Variants in SORCS1 observed in about 807,000 individuals in gnomAD.
SORCS1 encodes sortilin related VPS10 domain containing receptor 1, also known as VPS10 domain-containing receptor SorCS1.
Under a neutral mutation model 146.1 loss-of-function variants are expected in SORCS1, and 60 were observed. The observed-to-expected ratio is 0.41, with a 90% confidence interval of 0.33 to 0.51. The LOEUF (loss-of-function observed/expected upper bound fraction) is 0.51, where lower values mean the gene tolerates loss of function less well. Ranked by LOEUF, SORCS1 falls within the 20% of genes least tolerant of loss-of-function variation. The pLI is 0.21. For synonymous variants in SORCS1, 637 were observed against 584.0 expected (o/e 1.09, Z -1.31); for missense variants, 1,352 against 1,487.6 (o/e 0.91, Z 1.50).
chr10:106,916,306 AT>A (rs1406223415), intron 2 of SORCS1, among the ~76,000 whole-genome samples: 1 of 152,108 alleles, frequency 6.6e-6, no homozygotes, highest in Non-Finnish European at 1.5e-5. Flanking sequence ...CAAACTATTT[AT>A]TTAATGAATG....
At chr10:106,955,011 G>A (rs920723312) in intron 2 of SORCS1, among the ~76,000 whole-genome samples, 4 of 152,258 alleles carry the variant, frequency 2.6e-5, no homozygotes, top group South Asian at 2.1e-4. Flanking sequence ...CCCACACAAC[G>A]GGAAGTAGCA....
chr10:107,162,032 A>G (rs998889330), intron 1 of SORCS1, among the ~76,000 whole-genome samples: 1 of 152,320 alleles, frequency 6.6e-6, no homozygotes, highest in Non-Finnish European at 1.5e-5. Context: ...TGCATGTTCA[A>G]TGCCCTGAAC....
intron 1 of SORCS1, among the ~76,000 whole-genome samples, chr10:107,009,679 T>C (rs1957613460): frequency 6.6e-6 from 1 of 152,182 alleles, no homozygotes; most frequent in African/African-American, 2.4e-5. Context: ...ATACGCAAGA[T>C]TTAAAAACAT....
intron 2 of SORCS1, among the ~76,000 whole-genome samples, chr10:106,851,755 A>G (rs1028717875): frequency 2.6e-5 from 4 of 152,212 alleles, no homozygotes; most frequent in African/African-American, 9.6e-5. Context: ...CTACATTTTA[A>G]TTGAGATTGT....
At chr10:107,040,661 T>G (rs1395225086) in intron 1 of SORCS1, among the ~76,000 whole-genome samples, 1 of 152,210 alleles carries the variant, frequency 6.6e-6, no homozygotes, top group Non-Finnish European at 1.5e-5. Flanking sequence ...AATATCAGCA[T>G]GCATCTCATA....
intron 5 of SORCS1, among the ~76,000 whole-genome samples, chr10:106,741,939 T>C (rs974743126): frequency 1.3e-5 from 2 of 152,214 alleles, no homozygotes; most frequent in Admixed American, 6.5e-5. Flanking sequence ...GCTATCCTTG[T>C]AGTCGCTTTT....
At chr10:106,945,972 G>C (rs1460945098) in intron 2 of SORCS1, among the ~76,000 whole-genome samples, 1 of 152,186 alleles carries the variant, frequency 6.6e-6, no homozygotes, top group Non-Finnish European at 1.5e-5. Flanking sequence ...GAACAGGAAT[G>C]CCTAGAGCTC....
intron 4 of SORCS1, among the ~76,000 whole-genome samples, chr10:106,769,385 T>C (rs1859822708): frequency 6.6e-6 from 1 of 150,530 alleles, no homozygotes; most frequent in African/African-American, 2.5e-5. Context: ...CTTGGGAGGC[T>C]GAGGCAGGAG....
intron 2 of SORCS1, among the ~76,000 whole-genome samples, chr10:106,954,664 T>G (rs1954849147): frequency 6.6e-6 from 1 of 152,174 alleles, no homozygotes; most frequent in Non-Finnish European, 1.5e-5. Context: ...GAGGAGCTCC[T>G]TGAATACCAG....
intron 24 of SORCS1, among the ~76,000 whole-genome samples, chr10:106,583,509 T>C (rs1845043790): frequency 6.8e-6 from 1 of 146,324 alleles, no homozygotes; most frequent in Non-Finnish European, 1.6e-5. Flanking sequence ...TTTTTCGTTT[T>C]GTTTTGTTTT....
chr10:106,980,461 T>G (rs1334167503), intron 1 of SORCS1, among the ~76,000 whole-genome samples: 2 of 152,254 alleles, frequency 1.3e-5, no homozygotes, highest in East Asian at 3.8e-4. Context: ...CTGTCCTGTT[T>G]ATAAATTCTC....
intron 1 of SORCS1, among the ~76,000 whole-genome samples, chr10:107,024,646 G>A (rs142839072): frequency 9.5e-4 from 145 of 152,148 alleles, no homozygotes; most frequent in Admixed American, 2.1e-3. Flanking sequence ...GTAGCATAAT[G>A]AGCACAAAAG....
At chr10:106,769,616 TAGAG>T (rs1212833792) in intron 4 of SORCS1, among the ~76,000 whole-genome samples, 4 of 152,048 alleles carry the variant, frequency 2.6e-5, no homozygotes, top group African/African-American at 9.7e-5. Context: ...GCAGGACTGG[TAGAG>T]AGAGAAAGAA....
At chr10:107,178,462 G>T in the SORCS1 span, among the ~76,000 whole-genome samples, 8 of 151,110 alleles carry the variant, frequency 5.3e-5, no homozygotes, top group East Asian at 1.5e-3. Context: ...CAGATGACAG[G>T]ATTTCATTCT....
At chr10:106,781,381 TG>T (rs1860884465) in intron 3 of SORCS1, among the ~76,000 whole-genome samples, 1 of 152,156 alleles carries the variant, frequency 6.6e-6, no homozygotes, top group Non-Finnish European at 1.5e-5. Context: ...TTGTCATAAA[TG>T]GGCTGGAATC....
intron 3 of SORCS1, among the ~76,000 whole-genome samples, chr10:106,780,564 A>G (rs1860809758): frequency 6.6e-6 from 1 of 152,216 alleles, no homozygotes; most frequent in Non-Finnish European, 1.5e-5. Context: ...GGAATGAATA[A>G]ATGAATGAGT....
At chr10:106,669,242 A>AAACAAC (rs35656422) in intron 16 of SORCS1, among the ~76,000 whole-genome samples, 53 of 151,494 alleles carry the variant, frequency 3.5e-4, no homozygotes, top group Admixed American at 1.6e-3. Context: ...TGAAAAAGAA[A>AAACAAC]AACAACAACA....
chr10:106,681,627 A>G (rs1041700289), intron 10 of SORCS1, among the ~76,000 whole-genome samples: 4 of 152,176 alleles, frequency 2.6e-5, no homozygotes, highest in African/African-American at 7.2e-5. Flanking sequence ...ATGGCATTCC[A>G]AGAAGTAGAC....
intron 2 of SORCS1, among the ~76,000 whole-genome samples, chr10:106,884,368 T>G (rs1411353068): frequency 1.3e-5 from 2 of 152,198 alleles, no homozygotes; most frequent in African/African-American, 4.8e-5. Context: ...AGATTGTCTT[T>G]TGTCTTATAT....
Sources: gnomAD v4.1 joint callset for allele counts (sites outside exome capture counted in the v4.1 genomes callset) on GRCh38, gnomAD v4.1.1 for gene constraint, MANE v1.5 for transcripts, NCBI Gene and HGNC (gene_info 2026-07-23, HGNC 2026-07-21) for gene names.